The following MTHFD1L variants were observed in gnomAD, a reference collection of about 807,000 sequenced individuals.
MTHFD1L encodes the protein methylenetetrahydrofolate dehydrogenase (NADP+ dependent) 1 like.
MTHFD1L carries 81 observed loss-of-function variants against 119.5 expected under a neutral mutation model. The observed-to-expected ratio is 0.68, with a 90% CI of 0.57 to 0.82. MTHFD1L has a LOEUF of 0.82. Among genes scored for constraint, MTHFD1L ranks in the 40% least tolerant of loss-of-function variants. The pLI is 0.00. For missense variants in MTHFD1L, 1,125 were observed against 1,253.4 expected (o/e 0.90, Z 1.55); for synonymous variants, 430 against 475.2 (o/e 0.90, Z 1.24).
chr6:150,935,378 T>C, intron 11 of MTHFD1L: 6 of 1,613,920 alleles, frequency 3.7e-6, no homozygotes, highest in Non-Finnish European at 5.1e-6. Context: ...CAAACAAGAC[T>C]TGAGGAACTC....
At chr6:151,041,478 A>C (rs951528181) in intron 26 of MTHFD1L, among the ~76,000 whole-genome samples, 5 of 152,212 alleles carry the variant, frequency 3.3e-5, no homozygotes, top group African/African-American at 9.6e-5. Context: ...TTAGTCACCC[A>C]ATGTGCACTT....
At chr6:151,009,287 C>T (rs1781879612) in intron 20 of MTHFD1L, among the ~76,000 whole-genome samples, 1 of 152,142 alleles carries the variant, frequency 6.6e-6, no homozygotes, top group Non-Finnish European at 1.5e-5. Context: ...GTAATCCCAG[C>T]ACTTTGTGAG....
At chr6:151,006,726 G>T (rs1331263599) in intron 20 of MTHFD1L, among the ~76,000 whole-genome samples, 2 of 152,034 alleles carry the variant, frequency 1.3e-5, no homozygotes, top group Admixed American at 1.3e-4. Context: ...CTTTCCTTCA[G>T]TGCCTTCTAT....
intron 13 of MTHFD1L, among the ~76,000 whole-genome samples, chr6:150,944,061 A>G (rs1262603051): frequency 6.6e-6 from 1 of 152,214 alleles, no homozygotes. Flanking sequence ...AATTGCTCAA[A>G]GGTTCTTTGT....
intron 26 of MTHFD1L, among the ~76,000 whole-genome samples, chr6:151,089,403 A>T (rs1386130145): frequency 1.3e-5 from 2 of 152,136 alleles, no homozygotes; most frequent in Non-Finnish European, 2.9e-5. Flanking sequence ...GGAGTTTGAG[A>T]CCAGCCTAGC....
intron 10 of MTHFD1L, among the ~76,000 whole-genome samples, chr6:150,925,759 C>G (rs181239592): frequency 2.6e-5 from 4 of 152,176 alleles, no homozygotes; most frequent in East Asian, 1.9e-4. Flanking sequence ...CTCTATTCAT[C>G]GCTAATGAAT....
At chr6:151,071,289 G>A (rs1413858998) in intron 26 of MTHFD1L, among the ~76,000 whole-genome samples, 4 of 152,172 alleles carry the variant, frequency 2.6e-5, no homozygotes, top group African/African-American at 4.8e-5. Flanking sequence ...AATAAGCCGG[G>A]AGATAAGGGG....
At chr6:150,930,553 A>G (rs892544376) in intron 11 of MTHFD1L, among the ~76,000 whole-genome samples, 7 of 152,082 alleles carry the variant, frequency 4.6e-5, no homozygotes, top group South Asian at 2.1e-4. Context: ...ATAACTCAAT[A>G]TTTTATTTAT....
At chr6:151,065,446 C>G (rs191150785) in intron 26 of MTHFD1L, among the ~76,000 whole-genome samples, 1 of 152,314 alleles carries the variant, frequency 6.6e-6, no homozygotes, top group Non-Finnish European at 1.5e-5. Context: ...TCAACTCGAG[C>G]TTATTCAGAA....
chr6:151,090,049 A>G (rs1794233802), intron 26 of MTHFD1L, among the ~76,000 whole-genome samples: 1 of 152,190 alleles, frequency 6.6e-6, no homozygotes, highest in Non-Finnish European at 1.5e-5. Context: ...GCCCATTTAT[A>G]TACCTGAAGT....
At chr6:151,029,700 G>A (rs1785075330) in intron 24 of MTHFD1L, among the ~76,000 whole-genome samples, 1 of 152,164 alleles carries the variant, frequency 6.6e-6, no homozygotes, top group African/African-American at 2.4e-5. Flanking sequence ...GGAGGCTGAG[G>A]CAGGAGAATC....
intron 26 of MTHFD1L, among the ~76,000 whole-genome samples, chr6:151,090,749 G>A (rs1794302343): frequency 6.6e-6 from 1 of 152,240 alleles, no homozygotes; most frequent in Admixed American, 6.5e-5. Context: ...TCTTGGCCAG[G>A]GCCTGTGGAG....
intron 26 of MTHFD1L, among the ~76,000 whole-genome samples, chr6:151,038,000 T>C (rs565782466): frequency 5.9e-5 from 9 of 152,374 alleles, no homozygotes; most frequent in Non-Finnish European, 8.8e-5. Context: ...ACCATGTTGC[T>C]TTATTGTGCA....
chr6:151,094,910 C>T (rs371671550), intron 27 of MTHFD1L, among the ~76,000 whole-genome samples: 10 of 152,322 alleles, frequency 6.6e-5, no homozygotes, highest in East Asian at 3.9e-4. Flanking sequence ...AACTCCTGAC[C>T]TCAAGTGAGC....
At chr6:151,038,801 C>A (rs34558961) in intron 26 of MTHFD1L, among the ~76,000 whole-genome samples, 30,545 of 151,898 alleles carry the variant, frequency 0.2, 3,671 homozygotes, top group Middle Eastern at 0.3. Flanking sequence ...ATCCTCCTAC[C>A]GTGGGGGCCG....
At chr6:150,991,838 TC>T (rs1390133967) in intron 20 of MTHFD1L, among the ~76,000 whole-genome samples, 8 of 152,320 alleles carry the variant, frequency 5.3e-5, no homozygotes, top group African/African-American at 1.9e-4. Context: ...AATAGTGGTT[TC>T]AGGAAGGCTC....
chr6:150,868,426 G>A lies in MTHFD1L; in HGVS notation c.227+2377G>A, dbSNP rs560629334. On this transcript the variant is annotated intron_variant, in intron 1 of 27. Coordinates refer to ENST00000367321, the MANE Select transcript of MTHFD1L (RefSeq NM_015440.5). ...GGGATCTCGGCTCACTGCAACCTCC[G>A]CCTCCCGGGTTCAAGCGATTCCCCT... Among the ~76,000 whole-genome samples the A allele has an allele frequency of 5.4e-5, 8 of 148,822 alleles. No individual in the cohort carries two copies. The South Asian group carries it at 1.3e-3, about 24-fold the overall frequency.
intron 26 of MTHFD1L, among the ~76,000 whole-genome samples, chr6:151,040,117 A>G (rs971151555): frequency 3.3e-5 from 5 of 152,104 alleles, no homozygotes; most frequent in African/African-American, 7.2e-5. Flanking sequence ...GCCCAAACAG[A>G]GCATGAAATG....
At chr6:150,997,325 C>G (rs1344595452) in intron 20 of MTHFD1L, among the ~76,000 whole-genome samples, 1 of 152,186 alleles carries the variant, frequency 6.6e-6, no homozygotes, top group Non-Finnish European at 1.5e-5. Flanking sequence ...AAATAACGTT[C>G]AAACTGAACA....
Sources: gnomAD v4.1 joint callset for allele counts (sites outside exome capture counted in the v4.1 genomes callset) on GRCh38, gnomAD v4.1.1 for gene constraint, MANE v1.5 for transcripts, NCBI Gene and HGNC (gene_info 2026-07-23, HGNC 2026-07-21) for gene names.